The following ACOT11 variants were observed in gnomAD, a reference collection of about 807,000 sequenced individuals.
ACOT11 encodes acyl-coenzyme A thioesterase 11.
In ACOT11, 69 loss-of-function variants were observed where a neutral mutation model predicts 77.5. The ratio of observed to expected loss-of-function variants is 0.89; its 90% confidence interval spans 0.73 to 1.09. The LOEUF (loss-of-function observed/expected upper bound fraction) is 1.09. Among genes scored for constraint, ACOT11 ranks in the 50% least tolerant of loss-of-function variants. The pLI is 0.00. For missense variants in ACOT11, 766 were observed against 813.7 expected (o/e 0.94, Z 0.71); for synonymous variants, 279 against 313.0 (o/e 0.89, Z 1.15).
At chr1:54,591,100 G>A (rs1654697219) in intron 3 of ACOT11, among the ~76,000 whole-genome samples, 2 of 152,014 alleles carry the variant, frequency 1.3e-5, no homozygotes, top group South Asian at 4.1e-4. Flanking sequence ...TGCAGACATC[G>A]TGATGCTTCA....
intron 2 of ACOT11, among the ~76,000 whole-genome samples, chr1:54,585,432 AG>A (rs1557656790): frequency 6.6e-6 from 1 of 152,202 alleles, no homozygotes; most frequent in Admixed American, 6.5e-5. Flanking sequence ...TGACTCAGGC[AG>A]GGAACAGGTG....
chr1:54,591,496 GA>G (rs1654709568), intron 3 of ACOT11, among the ~76,000 whole-genome samples: 1 of 152,234 alleles, frequency 6.6e-6, no homozygotes, highest in South Asian at 2.1e-4. Flanking sequence ...GGCTTGGCCA[GA>G]AGACTGTGTC....
intron 1 of ACOT11, among the ~76,000 whole-genome samples, chr1:54,557,569 C>T (rs1653306756): frequency 6.6e-6 from 1 of 152,114 alleles, no homozygotes; most frequent in Admixed American, 6.6e-5. Flanking sequence ...CATGAGCCAC[C>T]ACTCCTGGTT....
chr1:54,619,769 G>T, intron 15 of ACOT11: 1 of 1,313,000 alleles, frequency 7.6e-7, no homozygotes, highest in Admixed American at 1.8e-5. Context: ...CAGCCATCAT[G>T]CCACCACAGT....
At chr1:54,596,933 C>T (rs949439908) in intron 6 of ACOT11, among the ~76,000 whole-genome samples, 1 of 152,212 alleles carries the variant, frequency 6.6e-6, no homozygotes. Flanking sequence ...CCTATCGGGT[C>T]GGATTTCATG....
intron 10 of ACOT11, 39 bp downstream of exon 10, chr1:54,602,763 G>A: frequency 6.7e-7 from 1 of 1,496,916 alleles, no homozygotes. Context: ...TGTGGATTCG[G>A]GGCTGTTCAC....
At chr1:54,630,707 T>G (rs779511608) in intron 15 of ACOT11, 1 of 668,188 alleles carries the variant, frequency 1.5e-6, no homozygotes, top group South Asian at 1.7e-5. Context: ...CCTCTATATT[T>G]CTCTGTGTGT....
intron 1 of ACOT11, among the ~76,000 whole-genome samples, chr1:54,567,988 A>G (rs558862032): frequency 6.6e-6 from 1 of 152,150 alleles, no homozygotes; most frequent in African/African-American, 2.4e-5. Flanking sequence ...CTCCACTGGG[A>G]CATACAAGAC....
At chr1:54,622,954 C>G (rs985925871) in intron 15 of ACOT11, among the ~76,000 whole-genome samples, 3 of 151,882 alleles carry the variant, frequency 2.0e-5, no homozygotes, top group Admixed American at 6.6e-5. Flanking sequence ...GCAGGTGGAT[C>G]ACCTGAGGTC....
intron 1 of ACOT11, among the ~76,000 whole-genome samples, chr1:54,559,459 C>T (rs1653391063): frequency 6.6e-6 from 1 of 152,250 alleles, no homozygotes; most frequent in African/African-American, 2.4e-5. Context: ...CACTCACTCA[C>T]CTCACCTCTG....
chr1:54,632,156 C>CTAGT (rs1314569250), intron 16 of ACOT11, among the ~76,000 whole-genome samples: 18 of 152,238 alleles, frequency 1.2e-4, no homozygotes, highest in African/African-American at 3.9e-4. Flanking sequence ...AAACACTGGG[C>CTAGT]TAGTCAGTGT....
At chr1:54,608,334 A>G (rs929063044) in intron 15 of ACOT11, among the ~76,000 whole-genome samples, 2 of 151,050 alleles carry the variant, frequency 1.3e-5, no homozygotes. Flanking sequence ...ATTCCATCTC[A>G]CTCGTCATTC....
At chr1:54,572,914 C>T in intron 1 of ACOT11, 1 of 985,288 alleles carries the variant, frequency 1.0e-6, no homozygotes, top group Non-Finnish European at 1.2e-6. Flanking sequence ...GGTTTCCTCC[C>T]ACTCTGAGAG....
At position 54,602,836 on chromosome 1, in the gene ACOT11, G is replaced by C. The variant is rs551425102; in HGVS notation, c.1085+112G>C. 79 of 1,195,334 alleles carry C rather than the reference G, an allele frequency of 6.6e-5. No homozygotes were observed. In the South Asian group the frequency reaches 1.5e-3, roughly 22 times the overall value. 74.0% of individuals were successfully genotyped at this position (1,195,334 alleles called of 1,614,324 possible). ...CTGCCTGTGCGTTGGGCCCTGGGCC[G>C]GGCCCTTTACATCCTCTCGTTTTGG... On this transcript the variant is annotated intron_variant, in intron 10 of 15. Coordinates refer to ENST00000343744, the MANE Select transcript of ACOT11 (RefSeq NM_147161.4).
chr1:54,559,974 G>A (rs192561720), intron 1 of ACOT11, among the ~76,000 whole-genome samples: 2 of 152,352 alleles, frequency 1.3e-5, no homozygotes, highest in Admixed American at 6.5e-5. Flanking sequence ...AGATGGTGCT[G>A]CTGGCTGGGT....
chr1:54,613,500 C>G (rs1440010855), downstream of ACOT11, among the ~76,000 whole-genome samples: 1 of 151,992 alleles, frequency 6.6e-6, no homozygotes, highest in Non-Finnish European at 1.5e-5. Flanking sequence ...GTTGCCCAGG[C>G]TGGTCTCAAA....
chr1:54,569,603 A>AC (rs1653867213), intron 1 of ACOT11, among the ~76,000 whole-genome samples: 2 of 151,190 alleles, frequency 1.3e-5, no homozygotes, highest in Admixed American at 6.6e-5. Context: ...CACTCCCTTC[A>AC]CCCCCCAACC....
chr1:54,594,785 G>T (rs746978387), intron 6 of ACOT11, 94 bp downstream of exon 6: 18 of 1,497,264 alleles, frequency 1.2e-5, no homozygotes, highest in Non-Finnish European at 1.6e-5. Flanking sequence ...AGGAAGGGAG[G>T]CTCCGGGGAC....
chr1:54,563,173 G>T (rs566120826), intron 1 of ACOT11, among the ~76,000 whole-genome samples: 2 of 152,258 alleles, frequency 1.3e-5, no homozygotes, highest in Non-Finnish European at 2.9e-5. Context: ...GTATTCTAGA[G>T]ATGGGGTTTC....
Sources: gnomAD v4.1 joint callset for allele counts (sites outside exome capture counted in the v4.1 genomes callset) on GRCh38, gnomAD v4.1.1 for gene constraint, MANE v1.5 for transcripts, NCBI Gene and HGNC (gene_info 2026-07-23, HGNC 2026-07-21) for gene names.